The following HSPG2 variants were observed in gnomAD, a reference collection of about 807,000 sequenced individuals.
HSPG2 encodes basement membrane-specific heparan sulfate proteoglycan core protein.
Under a neutral mutation model 526.6 loss-of-function variants are expected in HSPG2, and 278 were observed. The ratio of observed to expected loss-of-function variants is 0.53; its 90% CI spans 0.48 to 0.58. HSPG2 has a LOEUF of 0.58. Ranked by LOEUF, HSPG2 falls within the 20% of genes least tolerant of loss-of-function variation. HSPG2 has a pLI of 0.00. For missense variants in HSPG2, 5,354 were observed against 6,099.5 expected (o/e 0.88, Z 4.07); for synonymous variants, 2,465 against 2,555.4 (o/e 0.96, Z 1.07).
In HSPG2 at chr1:21,824,862, C is replaced by A; in HGVS notation, c.12590-83G>T. 1 of 1,269,540 alleles carries A rather than the reference C, an allele frequency of 7.9e-7. No individual in the cohort carries two copies. Among genetic ancestry groups the A allele is most frequent in the Non-Finnish European group, 1.1e-6 (1 of 890,674 alleles). 78.6% of individuals were successfully genotyped at this position (1,269,540 alleles called of 1,614,324 possible). On this transcript the variant is annotated intron_variant, in intron 91 of 96. Transcript: ENST00000374695. This position sits in a 1 kb window ranked among gnomAD's most constrained non-coding sequence, Gnocchi z 5.9. ...TCAGTTCCCCTGACCCCCACCTCCA[C>A]GCCAACATGCAGGACTAGGGGGCTC...
In HSPG2 at chr1:21,839,756, T is replaced by C. The variant is rs2098041305; in HGVS notation, c.9709+66A>G. 1.3e-6 allele frequency: 2 copies of C among 1,541,634 alleles called. No homozygotes were observed. The highest frequency in any genetic ancestry group is 1.8e-6 in the Non-Finnish European group (2 of 1,123,240). ...CATGACATCATCTCTAGATCACATG[T>C]GTCTACATTTCAGACCCCAGGGCAT... is the stretch of plus-strand genomic sequence containing the variant. On this transcript the variant is annotated intron_variant, in intron 72 of 96. Transcript: ENST00000374695. This position sits in a 1 kb window ranked among gnomAD's most constrained non-coding sequence, Gnocchi z 4.5.
rs1489142935 is a variant in HSPG2 at position 21,822,823 on chromosome 1, A to C, written c.*493T>G. 6.2e-6 allele frequency: 1 copy of C among 161,636 alleles called. No homozygotes were observed. The highest frequency in any genetic ancestry group is 1.4e-5 in the Non-Finnish European group (1 of 73,590). 10.0% of individuals were successfully genotyped at this position (161,636 alleles called of 1,614,324 possible). On this transcript the variant is annotated 3_prime_UTR_variant, in exon 97 of 97. Coordinates refer to ENST00000374695, the MANE Select transcript of HSPG2 (RefSeq NM_005529.7). Reference sequence around the variant, plus strand: ...GATGGGGACCGCCTGCCCAGGGGTGAGCTGCCTTTTGCTCCACAGCCGGCA... The same window carrying C: ...GATGGGGACCGCCTGCCCAGGGGTGCGCTGCCTTTTGCTCCACAGCCGGCA...
Position 21,824,444 on chromosome 1 carries a change from C to T in HSPG2, c.12745-68G>A, listed in dbSNP as rs538815311. 3 of 1,601,304 alleles carry T rather than the reference C, an allele frequency of 1.9e-6. No homozygotes were observed. The South Asian group carries it at 3.3e-5, about 18-fold the overall frequency. Reference sequence around the variant, plus strand: ...AGCAGAGGCTGCCGAGGCCAGGGGGCTCTGCTTTCCCCTCCCCCCACCACT... The same window carrying T: ...AGCAGAGGCTGCCGAGGCCAGGGGGTTCTGCTTTCCCCTCCCCCCACCACT... On this transcript the variant is annotated intron_variant, in intron 93 of 96. Transcript: ENST00000374695. The surrounding 1 kb of genome is among the most constrained non-coding windows in gnomAD (Gnocchi z 5.9).
In HSPG2 at chr1:21,848,782, G is replaced by T; in HGVS notation, c.7598C>A (p.Ala2533Glu). ...GGAGGACTCGATGCGGACGGGGTAC[G>T]CCACACCCTGGGCTGGGAGGGTGAG... ...RLSGSHSQGV[A>E]YPVRIESSSA... The change falls in exon 59 of 97, where the codon GCG becomes GAG. Residue 2533 changes from alanine (A) to glutamate (E), a missense_variant. By Grantham distance (107) the Ala-to-Glu change is moderately radical. Transcript: ENST00000374695. The surrounding 1 kb of genome is among the most constrained non-coding windows in gnomAD (Gnocchi z 4.9). The T allele has an allele frequency of 6.2e-7, 1 of 1,613,690 alleles. No individual in the cohort carries two copies. Among genetic ancestry groups the T allele is most frequent in the Non-Finnish European group, 8.5e-7 (1 of 1,179,974 alleles).
In HSPG2 at chr1:21,839,066, C is replaced by T. The variant is rs201898411; in HGVS notation, c.9909G>A (p.Thr3303=). 458 of 1,587,614 alleles carry T rather than the reference C, an allele frequency of 2.9e-4. No individual in the cohort carries two copies. The highest frequency in any genetic ancestry group is 3.7e-4 in the Non-Finnish European group (427 of 1,161,442). The change falls in exon 74 of 97, where the codon ACG becomes ACA. Residue 3303 remains threonine (T), a synonymous_variant. Transcript: ENST00000374695. This position sits in a 1 kb window ranked among gnomAD's most constrained non-coding sequence, Gnocchi z 4.5. ...CCTGCACCGAAGCGTGCTCTGGGACCGTGGTGGCATATGGTGGGCCTGAGT... is the reference window on the plus strand; with the variant it reads ...CCTGCACCGAAGCGTGCTCTGGGACTGTGGTGGCATATGGTGGGCCTGAGT... The part of the protein sequence containing the change: ...LHVESPPYAT[T]VPEHASVQAG...
chr1:21,936,593 T>A (rs1644495713), intron 1 of HSPG2, among the ~76,000 whole-genome samples: 1 of 152,200 alleles, frequency 6.6e-6, no homozygotes, highest in Non-Finnish European at 1.5e-5. Context: ...CAGGGATTGA[T>A]TCAACTCTTC....
intron 1 of HSPG2, among the ~76,000 whole-genome samples, chr1:21,914,705 G>C (rs1572441027): frequency 6.6e-6 from 1 of 152,296 alleles, no homozygotes; most frequent in South Asian, 2.1e-4. Flanking sequence ...AGAGATGCCT[G>C]TTCCATCCAC....
In HSPG2 at chr1:21,839,172, G is replaced by T; in HGVS notation, c.9890-87C>A. On this transcript the variant is annotated intron_variant, in intron 73 of 96. Coordinates refer to ENST00000374695, the MANE Select transcript of HSPG2 (RefSeq NM_005529.7). This position sits in a 1 kb window ranked among gnomAD's most constrained non-coding sequence, Gnocchi z 4.5. ...GTTGGATCCAGTGTCCAGGGAAGCT[G>T]AATGGTGAGCCCAGAGGACTGGGGA... 6.6e-7 allele frequency: 1 copy of T among 1,513,378 alleles called. No individual in the cohort carries two copies. The highest frequency in any genetic ancestry group is 8.9e-7 in the Non-Finnish European group (1 of 1,118,582). The allele number at this position is 1,513,378 out of a possible 1,614,324, so 93.7% of individuals were successfully genotyped here.
chr1:21,919,840 C>T (rs544983878), intron 1 of HSPG2, among the ~76,000 whole-genome samples: 9 of 152,296 alleles, frequency 5.9e-5, no homozygotes, highest in African/African-American at 1.9e-4. Context: ...AGTAGGCCCT[C>T]CGTAAAAGTG....
At chr1:21,850,320 C>T (rs1018663918) in intron 56 of HSPG2, 43 bp downstream of exon 56, 3 of 1,603,368 alleles carry the variant, frequency 1.9e-6, no homozygotes, top group Non-Finnish European at 2.6e-6. Flanking sequence ...GGGGGGCCTC[C>T]CACCCTGGGT....
intron 3 of HSPG2, among the ~76,000 whole-genome samples, chr1:21,891,198 C>T (rs1642334568): frequency 6.6e-6 from 1 of 152,206 alleles, no homozygotes; most frequent in South Asian, 2.1e-4. Context: ...TAGCAGAGCA[C>T]CTTCCACCGT....
In HSPG2 at chr1:21,858,924, C is replaced by G. The variant is rs186536406; in HGVS notation, c.5293+642G>C. ...CACCGGCTCCCTTTAAAAGCTTCCT[C>G]GGTTGTACTAAGCAACAACTGCTCA... On this transcript the variant is annotated intron_variant, in intron 42 of 96. Coordinates refer to ENST00000374695, the MANE Select transcript of HSPG2 (RefSeq NM_005529.7). The surrounding 1 kb of genome is among the most constrained non-coding windows in gnomAD (Gnocchi z 4.2). 7.9e-5 allele frequency among the ~76,000 whole-genome samples: 12 copies of G among 152,050 alleles called. No homozygotes were observed. The South Asian group carries it at 1.9e-3, about 24-fold the overall frequency.
At chr1:21,909,787 A>G (rs1368887972) in intron 1 of HSPG2, among the ~76,000 whole-genome samples, 1 of 152,230 alleles carries the variant, frequency 6.6e-6, no homozygotes, top group African/African-American at 2.4e-5. Context: ...AAATAGCTAG[A>G]GCAGGAGAGG....
chr1:21,891,122 C>T (rs1040850424), intron 3 of HSPG2, among the ~76,000 whole-genome samples: 2 of 152,240 alleles, frequency 1.3e-5, no homozygotes, highest in Non-Finnish European at 1.5e-5. Context: ...GTCTCCTGAT[C>T]TTCCTGATCT....
At chr1:21,906,897 G>A (rs1055291437) in intron 1 of HSPG2, among the ~76,000 whole-genome samples, 2 of 152,148 alleles carry the variant, frequency 1.3e-5, no homozygotes, top group African/African-American at 4.8e-5. Flanking sequence ...GATTTTAGAC[G>A]TAAGATATGC....
At chr1:21,896,356 C>T (rs759144194) in intron 1 of HSPG2, 46 bp from the exon 2 acceptor site, 14 of 1,604,772 alleles carry the variant, frequency 8.7e-6, no homozygotes, top group Non-Finnish European at 4.2e-6. Context: ...CCAGCTCCCA[C>T]TGAGCCCCAC....
chr1:21,834,184 C>A (rs1377768253), intron 77 of HSPG2, among the ~76,000 whole-genome samples: 1 of 152,158 alleles, frequency 6.6e-6, no homozygotes. Context: ...AATTGTGCAG[C>A]CCTTTGGGGA....
At position 21,932,099 on chromosome 1, in the gene HSPG2, G is replaced by A. The variant is rs117347552; in HGVS notation, c.63+5056C>T. On this transcript the variant is annotated intron_variant, in intron 1 of 96. Transcript: ENST00000374695. ...CTAGGCTTCCCCTCCAGGCACAGGCGTCCCTAGGAGACCCCACGGACACTG... is the reference window on the plus strand; with the variant it reads ...CTAGGCTTCCCCTCCAGGCACAGGCATCCCTAGGAGACCCCACGGACACTG... Among the ~76,000 whole-genome samples, 230 of 151,876 alleles carry A rather than the reference G, an allele frequency of 1.5e-3. 4 individuals carry two copies. The East Asian group carries it at 0.039, about 26-fold the overall frequency.
chr1:21,866,269 T>C (rs1250109849), intron 33 of HSPG2, among the ~76,000 whole-genome samples: 2 of 152,154 alleles, frequency 1.3e-5, no homozygotes, highest in Non-Finnish European at 2.9e-5. Flanking sequence ...AGTATCCAGT[T>C]CCTGCTTTCT....
Sources: allele counts gnomAD v4.1 joint callset (sites outside exome capture counted in the v4.1 genomes callset), GRCh38; gene constraint gnomAD v4.1.1; non-coding constraint Gnocchi (gnomAD v3.1); transcripts MANE v1.5; gene names NCBI Gene and HGNC (gene_info 2026-07-23, HGNC 2026-07-21).